Variants in SLC2A13 observed in about 807,000 individuals in gnomAD.
The protein encoded by SLC2A13 is proton myo-inositol cotransporter.
A neutral mutation model predicts 64.4 loss-of-function variants in SLC2A13; 32 were observed. The ratio of observed to expected loss-of-function variants is 0.50; its 90% CI spans 0.37 to 0.67. The LOEUF is 0.67. Ranked by LOEUF, SLC2A13 falls within the 30% of genes least tolerant of loss-of-function variation. SLC2A13 has a pLI of 0.00. For synonymous variants in SLC2A13, 338 were observed against 327.1 expected, an observed-to-expected ratio of 1.03 and a Z score of -0.36; for missense variants, 743 against 829.2, an observed-to-expected ratio of 0.90 and a Z score of 1.28.
chr12:39,933,106 G>A (rs948934850), intron 4 of SLC2A13, among the ~76,000 whole-genome samples: 2 of 152,154 alleles, frequency 1.3e-5, no homozygotes, highest in Non-Finnish European at 2.9e-5. Context: ...GCATGTGCCT[G>A]TAATCTCAGC....
intron 3 of SLC2A13, among the ~76,000 whole-genome samples, chr12:39,968,740 A>T (rs11174528): frequency 3.9e-5 from 1 of 25,846 alleles, no homozygotes. Flanking sequence ...TTTCTTTTTT[A>T]TTTTTGTTGT....
intron 3 of SLC2A13, among the ~76,000 whole-genome samples, chr12:39,964,648 A>T (rs1334662383): frequency 1.3e-5 from 2 of 152,212 alleles, no homozygotes; most frequent in African/African-American, 4.8e-5. Flanking sequence ...GCATACATGA[A>T]TTTGGTCACC....
At chr12:39,896,044 ACG>A in intron 4 of SLC2A13, among the ~76,000 whole-genome samples, 1 of 146,328 alleles carries the variant, frequency 6.8e-6, no homozygotes, top group Non-Finnish European at 1.5e-5. Context: ...ATGTTTATAT[ACG>A]CATGTATATA....
intron 4 of SLC2A13, 105 bp from the exon 5 acceptor site, chr12:39,872,066 C>T: frequency 1.1e-6 from 1 of 914,040 alleles, no homozygotes; most frequent in Non-Finnish European, 1.5e-6. Flanking sequence ...ATAAGGAGAA[C>T]TACAGTAATA....
chr12:39,870,992 T>A (rs1173874385), intron 5 of SLC2A13, among the ~76,000 whole-genome samples: 1 of 152,198 alleles, frequency 6.6e-6, no homozygotes, highest in Non-Finnish European at 1.5e-5. Flanking sequence ...TATCTTTTAA[T>A]GGAAAAATGC....
chr12:40,023,098 A>C (rs576342199), intron 3 of SLC2A13, among the ~76,000 whole-genome samples: 23 of 152,236 alleles, frequency 1.5e-4, no homozygotes, highest in Non-Finnish European at 2.9e-4. Context: ...CTCCCTAAAC[A>C]TACTGCTTTT....
intron 2 of SLC2A13, among the ~76,000 whole-genome samples, chr12:40,047,255 T>A (rs1244496540): frequency 2.6e-5 from 4 of 152,212 alleles, no homozygotes; most frequent in Non-Finnish European, 5.9e-5. Flanking sequence ...GTAAAAGCCA[T>A]GCAAACAAGG....
chr12:39,820,925 G>A (rs1457664355), intron 7 of SLC2A13, among the ~76,000 whole-genome samples: 1 of 151,392 alleles, frequency 6.6e-6, no homozygotes, highest in Non-Finnish European at 1.5e-5. Flanking sequence ...TGAACCTAAA[G>A]CCACTCACAT....
chr12:40,006,156 A>G (rs1266757412), intron 3 of SLC2A13, among the ~76,000 whole-genome samples: 1 of 152,244 alleles, frequency 6.6e-6, no homozygotes, highest in Non-Finnish European at 1.5e-5. Flanking sequence ...TGAAATTAAT[A>G]ACGCAGGATT....
intron 1 of SLC2A13, among the ~76,000 whole-genome samples, chr12:40,077,956 C>T (rs903218605): frequency 5.3e-5 from 8 of 152,018 alleles, no homozygotes; most frequent in Non-Finnish European, 4.4e-5. Flanking sequence ...TCGGCTTCAA[C>T]GTTATTGATG....
Position 40,098,550 on chromosome 12 carries a change from A to G in SLC2A13, c.556+6703T>C, listed in dbSNP as rs1939040772. Among the ~76,000 whole-genome samples, 3 of 152,256 alleles carry G rather than the reference A, an allele frequency of 2.0e-5. No homozygotes were observed. In the South Asian group the frequency reaches 6.2e-4, roughly 31 times the overall value. On this transcript the variant is annotated intron_variant, in intron 1 of 9. Transcript: ENST00000280871. ...AACAAACAAAAGTAATGTCCACATG[A>G]CATATCATGGTAAAGAACAATTATG...
chr12:39,828,752 G>A (rs745495381), intron 7 of SLC2A13, among the ~76,000 whole-genome samples: 2 of 151,360 alleles, frequency 1.3e-5, no homozygotes, highest in Non-Finnish European at 2.9e-5. Context: ...AACTCTAAAG[G>A]TTTAAAGCTG....
intron 7 of SLC2A13, among the ~76,000 whole-genome samples, chr12:39,774,810 T>A (rs370996811): frequency 1.3e-5 from 2 of 152,176 alleles, no homozygotes; most frequent in East Asian, 3.8e-4. Flanking sequence ...TCATTGCATC[T>A]AAACTCCTTA....
At chr12:40,104,102 G>C (rs1939226142) in intron 1 of SLC2A13, among the ~76,000 whole-genome samples, 2 of 152,056 alleles carry the variant, frequency 1.3e-5, no homozygotes, top group Non-Finnish European at 2.9e-5. Flanking sequence ...TCAAACAAGT[G>C]GTGAATACAC....
At chr12:39,910,680 A>T (rs1402477381) in intron 4 of SLC2A13, among the ~76,000 whole-genome samples, 1 of 152,098 alleles carries the variant, frequency 6.6e-6, no homozygotes, top group Non-Finnish European at 1.5e-5. Context: ...AGACTTTCTG[A>T]TAGGAAAAGC....
chr12:39,895,845 C>T (rs111219577), intron 4 of SLC2A13, among the ~76,000 whole-genome samples: 1 of 60,814 alleles, frequency 1.6e-5, no homozygotes, highest in African/African-American at 6.7e-5. Flanking sequence ...TATGCACACA[C>T]ATATGTATAT....
At chr12:40,073,369 G>A (rs1352103602) in intron 1 of SLC2A13, among the ~76,000 whole-genome samples, 1 of 152,070 alleles carries the variant, frequency 6.6e-6, no homozygotes, top group Non-Finnish European at 1.5e-5. Flanking sequence ...ATGTATATAT[G>A]TGCTTAAGTA....
chr12:39,783,234 T>G (rs1442540126), intron 7 of SLC2A13, among the ~76,000 whole-genome samples: 1 of 152,206 alleles, frequency 6.6e-6, no homozygotes, highest in Non-Finnish European at 1.5e-5. Flanking sequence ...TATTCCATGG[T>G]GTATATGTGC....
intron 3 of SLC2A13, among the ~76,000 whole-genome samples, chr12:40,025,592 A>G (rs1424965853): frequency 1.3e-5 from 2 of 152,326 alleles, no homozygotes; most frequent in East Asian, 3.9e-4. Flanking sequence ...GTTTGATAAC[A>G]CATTCCTCCT....
Sources: allele counts gnomAD v4.1 joint callset (sites outside exome capture counted in the v4.1 genomes callset), GRCh38; gene constraint gnomAD v4.1.1; transcripts MANE v1.5; gene names NCBI Gene and HGNC (gene_info 2026-07-23, HGNC 2026-07-21).